Variants in HECTD2 observed in about 807,000 individuals in gnomAD.
HECTD2 encodes HECT domain E3 ubiquitin protein ligase 2.
A neutral mutation model predicts 103.2 loss-of-function variants in HECTD2; 35 were observed. The observed-to-expected ratio is 0.34, with a 90% CI of 0.26 to 0.45. The LOEUF (loss-of-function observed/expected upper bound fraction) is 0.45. Ranked by LOEUF, HECTD2 falls within the 20% of genes least tolerant of loss-of-function variation. The pLI is 1.00. For synonymous variants in HECTD2, 281 were observed against 329.9 expected, an observed-to-expected ratio of 0.85 and a Z score of 1.61; for missense variants, 596 against 937.4, an observed-to-expected ratio of 0.64 and a Z score of 4.76.
chr10:91,416,329 C>T (rs1012314143), intron 1 of HECTD2, among the ~76,000 whole-genome samples: 1 of 152,180 alleles, frequency 6.6e-6, no homozygotes, highest in Non-Finnish European at 1.5e-5. Context: ...GTACAAAGCA[C>T]TCAGTGTTAG....
intron 18 of HECTD2, 116 bp from the exon 19 acceptor site, chr10:91,500,384 TGG>T: frequency 1.2e-5 from 4 of 324,140 alleles, no homozygotes; most frequent in East Asian, 6.0e-5. Flanking sequence ...TCAACAAAAA[TGG>T]TTTGATTTAC....
At chr10:91,436,004 T>A (rs1201236298) in intron 2 of HECTD2, among the ~76,000 whole-genome samples, 2 of 152,028 alleles carry the variant, frequency 1.3e-5, no homozygotes, top group African/African-American at 4.8e-5. Flanking sequence ...TGAAGAATTA[T>A]TTCCCCTCTG....
At chr10:91,505,156 C>T (rs1210254160) in intron 20 of HECTD2, among the ~76,000 whole-genome samples, 18 of 151,614 alleles carry the variant, frequency 1.2e-4, no homozygotes, top group African/African-American at 1.7e-4. Flanking sequence ...CGGTACCAGC[C>T]GCTGCAAAAT....
In HECTD2 at chr10:91,492,488, A is replaced by C. The variant is rs1280859121; in HGVS notation, c.1432+4A>C. Reference sequence around the variant, plus strand: ...CAAATTTTTCATCCAGATTATGGTAAGTATGTAATCTAATTTTTATAAACT... The same window carrying C: ...CAAATTTTTCATCCAGATTATGGTACGTATGTAATCTAATTTTTATAAACT... On this transcript the variant is annotated splice_donor_region_variant and intron_variant, in intron 13 of 20. Transcript: ENST00000298068. 6.2e-7 allele frequency: 1 copy of C among 1,600,496 alleles called. No homozygotes were observed. Among genetic ancestry groups the C allele is most frequent in the Admixed American group, 1.7e-5 (1 of 59,592 alleles).
rs1391966163 is a variant in HECTD2, at chr10:91,514,283, G to GAAGT, written c.*1900_*1903dup. 2.0e-5 allele frequency: 3 copies of GAAGT among 152,552 alleles called. No individual in the cohort carries two copies. The highest frequency in any genetic ancestry group is 4.4e-5 in the Non-Finnish European group (3 of 68,018). The allele number at this position is 152,552 out of a possible 1,614,324, so 9.4% of individuals were successfully genotyped here. ...GATTAGCTGTGTCACTTTTAAATAA[G>GAAGT]AAGTCCACACAAGCAAGCCAAATTT... On this transcript the variant is annotated 3_prime_UTR_variant, in exon 21 of 21. Transcript: ENST00000298068.
At chr10:91,450,155 C>T (rs140984260) in intron 2 of HECTD2, among the ~76,000 whole-genome samples, 2,375 of 152,152 alleles carry the variant, frequency 0.016, 62 homozygotes, top group African/African-American at 0.054. Context: ...CAGAATAGCA[C>T]AGTACTGGTA....
intron 15 of HECTD2, among the ~76,000 whole-genome samples, chr10:91,496,977 T>G (rs1022056170): frequency 6.6e-6 from 1 of 151,362 alleles, no homozygotes. Context: ...TTTTTTTTTT[T>G]GAGACAGAAT....
intron 20 of HECTD2, among the ~76,000 whole-genome samples, chr10:91,511,646 A>G (rs1234273222): frequency 6.6e-6 from 1 of 152,084 alleles, no homozygotes; most frequent in East Asian, 1.9e-4. Flanking sequence ...GGGGCATGCA[A>G]CCTAGATTCC....
chr10:91,417,815 G>A (rs1039028645), intron 1 of HECTD2, among the ~76,000 whole-genome samples: 14 of 151,070 alleles, frequency 9.3e-5, no homozygotes, highest in Admixed American at 2.0e-4. Context: ...GAATAGTGCC[G>A]CAATAAACAT....
chr10:91,428,838 C>G (rs995298868), intron 2 of HECTD2, among the ~76,000 whole-genome samples: 1 of 151,998 alleles, frequency 6.6e-6, no homozygotes, highest in Non-Finnish European at 1.5e-5. Context: ...GACAATTCGA[C>G]TTCCTCTTTT....
At position 91,487,883 on chromosome 10, in the gene HECTD2, T is replaced by C. The variant is rs181374874; in HGVS notation, c.1191+105T>C. On this transcript the variant is annotated intron_variant, in intron 11 of 20. Transcript: ENST00000298068. The surrounding 1 kb of genome is among the most constrained non-coding windows in gnomAD (Gnocchi z 4.1). Reference sequence around the variant, plus strand: ...TGAATTGTTCTAGCATAATCAGGAATGTTAAAAGCAAAATTCGTGTTATAC... The same window carrying C: ...TGAATTGTTCTAGCATAATCAGGAACGTTAAAAGCAAAATTCGTGTTATAC... 2.3e-5 allele frequency: 17 copies of C among 727,674 alleles called. No individual in the cohort carries two copies. Among genetic ancestry groups the C allele is most frequent in the African/African-American group, 7.1e-5 (4 of 56,170 alleles). The allele number at this position is 727,674 out of a possible 1,614,324, so 45.1% of individuals were successfully genotyped here. A position where few individuals can be genotyped will look rare whatever the true frequency, so the allele number is the denominator to read the frequency against.
chr10:91,473,593 C>T (rs1005905713), intron 5 of HECTD2, among the ~76,000 whole-genome samples: 1 of 152,136 alleles, frequency 6.6e-6, no homozygotes, highest in African/African-American at 2.4e-5. Flanking sequence ...TCCGCCTCTG[C>T]CATGTCTGAG....
intron 5 of HECTD2, among the ~76,000 whole-genome samples, chr10:91,465,904 T>G (rs2133219785): frequency 6.6e-6 from 1 of 152,324 alleles, no homozygotes; most frequent in East Asian, 1.9e-4. Flanking sequence ...TCCTTTCTTG[T>G]AATATCTTTC....
In HECTD2 at chr10:91,513,199, C is replaced by T. The variant is rs551593427; in HGVS notation, c.*815C>T. On this transcript the variant is annotated 3_prime_UTR_variant, in exon 21 of 21. Coordinates refer to ENST00000298068, the MANE Select transcript of HECTD2 (RefSeq NM_182765.6). ...ATAATGATCATTTCTTCTTAAGGCT[C>T]AAGATATTAGAAAAGAAATCAGACC... is the stretch of plus-strand genomic sequence containing the variant. The T allele has an allele frequency of 6.6e-6, 1 of 152,558 alleles. No individual in the cohort carries two copies. The highest frequency in any genetic ancestry group is 2.1e-4 in the South Asian group (1 of 4,814). 9.5% of individuals were successfully genotyped at this position (152,558 alleles called of 1,614,324 possible). A position where few individuals can be genotyped will look rare whatever the true frequency, so the allele number is the denominator to read the frequency against.
At chr10:91,460,983 G>C (rs1027623940) in intron 3 of HECTD2, among the ~76,000 whole-genome samples, 1 of 152,192 alleles carries the variant, frequency 6.6e-6, no homozygotes. Context: ...AAAGTCTCCA[G>C]AAGTTTAGCT....
At chr10:91,458,022 CA>C (rs780908138) in intron 2 of HECTD2, among the ~76,000 whole-genome samples, 1,904 of 66,480 alleles carry the variant, frequency 0.029, 23 homozygotes, top group African/African-American at 0.06. Flanking sequence ...ATTGTCTATG[CA>C]AAAAAAAAAA....
At chr10:91,413,925 A>G (rs1843019283) in intron 1 of HECTD2, among the ~76,000 whole-genome samples, 1 of 152,214 alleles carries the variant, frequency 6.6e-6, no homozygotes, top group Admixed American at 6.5e-5. Context: ...AAGAATTTGA[A>G]GTAATGTATG....
chr10:91,482,445 TTG>T lies in HECTD2; in HGVS notation c.712-519_712-518del, dbSNP rs1846128115. On this transcript the variant is annotated intron_variant, in intron 7 of 20. Coordinates refer to ENST00000298068, the MANE Select transcript of HECTD2 (RefSeq NM_182765.6). ...CTGTATGTGTTTCTCCCCTTGTTCT[TTG>T]TGATATATGAGGCTAACTCATTTTA... Among the ~76,000 whole-genome samples, 5 of 151,956 alleles carry T rather than the reference TTG, an allele frequency of 3.3e-5. No individual in the cohort carries two copies. The South Asian group carries it at 1.0e-3, about 31-fold the overall frequency.
intron 20 of HECTD2, among the ~76,000 whole-genome samples, chr10:91,506,931 C>G (rs1197384431): frequency 1.3e-5 from 2 of 149,818 alleles, no homozygotes; most frequent in Admixed American, 6.6e-5. Context: ...CCACCATGAT[C>G]AAGTGGGCTT....
Sources: allele counts gnomAD v4.1 joint callset (sites outside exome capture counted in the v4.1 genomes callset), GRCh38; gene constraint gnomAD v4.1.1; non-coding constraint Gnocchi (gnomAD v3.1); transcripts MANE v1.5; gene names NCBI Gene and HGNC (gene_info 2026-07-23, HGNC 2026-07-21).